PDZD2: variants seen among roughly 807,000 people sequenced by gnomAD.
PDZD2 encodes the protein PDZ domain containing 2.
In PDZD2, 90 loss-of-function variants were observed where a neutral mutation model predicts 220.7. That is an observed-to-expected ratio of 0.41 (90% CI 0.34 to 0.49). The LOEUF is 0.49. Among genes scored for constraint, PDZD2 ranks in the 20% least tolerant of loss-of-function variants. The probability of loss-of-function intolerance (pLI) is 0.28; values close to 1 mark genes in which losing one functional copy is unlikely to be tolerated. For synonymous variants in PDZD2, 1,375 were observed against 1,450.5 expected (o/e 0.95, Z 1.18); for missense variants, 3,174 against 3,608.5 (o/e 0.88, Z 3.08).
chr5:31,955,289 G>GT lies in PDZD2; in HGVS notation c.477-27855dup, dbSNP rs79718032. Among the ~76,000 whole-genome samples, 442 of 146,396 alleles carry GT rather than the reference G, an allele frequency of 3.0e-3. 1 individual carries two copies. Among genetic ancestry groups the GT allele is most frequent in the South Asian group, 6.6e-3 (30 of 4,570 alleles). On this transcript the variant is annotated intron_variant, in intron 2 of 24. Coordinates refer to ENST00000438447, the MANE Select transcript of PDZD2 (RefSeq NM_178140.4). ...GTTGGTTGGCCTCCATCTTTGGTGG[G>GT]TTTTTTTTTTTGTTTTGTTTTGTTT...
In PDZD2 at chr5:31,883,887, C is replaced by T. The variant is rs147305557; in HGVS notation, c.476+84163C>T. Among the ~76,000 whole-genome samples the T allele has an allele frequency of 1.0e-3, 156 of 152,244 alleles. 1 individual carries two copies. The highest frequency in any genetic ancestry group is 3.6e-3 in the African/African-American group (148 of 41,542). ...AAGTGCTGAGATTACAGGCGTGGGC[C>T]ACAGTGCCTGGCCCTATTCTCTATA... On this transcript the variant is annotated intron_variant, in intron 2 of 24. Transcript: ENST00000438447.
chr5:31,884,897 C>G (rs144855067), intron 2 of PDZD2, among the ~76,000 whole-genome samples: 1 of 152,088 alleles, frequency 6.6e-6, no homozygotes, highest in African/African-American at 2.4e-5. Flanking sequence ...CCCACCTCAG[C>G]CTCCCAAAGT....
In PDZD2 at chr5:32,000,364, A is replaced by G; in HGVS notation, c.1254+93A>G. The G allele has an allele frequency of 3.0e-6, 4 of 1,345,808 alleles. No individual in the cohort carries two copies. The highest frequency in any genetic ancestry group is 4.2e-6 in the Non-Finnish European group (4 of 943,672). The allele number at this position is 1,345,808 out of a possible 1,614,324, so 83.4% of individuals were successfully genotyped here. ...CCATGCCACACACACACACAAAGAC[A>G]TGTGTGCACTTGTACGTTTGCCTTG... On this transcript the variant is annotated intron_variant, in intron 5 of 24. Transcript: ENST00000438447. The surrounding 1 kb of genome is among the most constrained non-coding windows in gnomAD (Gnocchi z 4.5).
chr5:31,776,680 G>T (rs1752676376), intron 1 of PDZD2, among the ~76,000 whole-genome samples: 1 of 149,650 alleles, frequency 6.7e-6, no homozygotes, highest in Admixed American at 6.7e-5. Context: ...ACGGAGTCTT[G>T]CTCTGTCGCC....
At chr5:31,862,362 C>T (rs1244914320) in intron 2 of PDZD2, among the ~76,000 whole-genome samples, 2 of 151,890 alleles carry the variant, frequency 1.3e-5, no homozygotes, top group East Asian at 3.9e-4. Context: ...TCTCGGCCTC[C>T]CAAAGTGCTG....
At chr5:31,752,060 T>A in intron 1 of PDZD2, among the ~76,000 whole-genome samples, 1 of 127,930 alleles carries the variant, frequency 7.8e-6, no homozygotes, top group Non-Finnish European at 1.6e-5. Context: ...GTTTGTTTTA[T>A]TGTTTTGGGT....
intron 1 of PDZD2, among the ~76,000 whole-genome samples, chr5:31,684,657 T>C (rs1374882469): frequency 6.6e-6 from 1 of 152,060 alleles, no homozygotes; most frequent in African/African-American, 2.4e-5. Context: ...GAATTCATAG[T>C]CCTCACCAGC....
At chr5:31,775,047 G>T (rs1752558125) in intron 1 of PDZD2, among the ~76,000 whole-genome samples, 1 of 152,132 alleles carries the variant, frequency 6.6e-6, no homozygotes, top group Non-Finnish European at 1.5e-5. Flanking sequence ...ATCAGCTCTT[G>T]GGAAACATCG....
intron 2 of PDZD2, among the ~76,000 whole-genome samples, chr5:31,915,947 A>G (rs1743640088): frequency 6.6e-6 from 1 of 152,162 alleles, no homozygotes; most frequent in African/African-American, 2.4e-5. Context: ...AGGGACTCCA[A>G]GTGTCAGCTT....
At chr5:31,677,713 T>C (rs1580552277) in intron 1 of PDZD2, among the ~76,000 whole-genome samples, 1 of 151,990 alleles carries the variant, frequency 6.6e-6, no homozygotes, top group Admixed American at 6.5e-5. Flanking sequence ...CATGCAACAA[T>C]GTGGATGAAT....
chr5:31,940,818 G>A (rs1302503420), intron 2 of PDZD2, among the ~76,000 whole-genome samples: 1 of 152,170 alleles, frequency 6.6e-6, no homozygotes, highest in Non-Finnish European at 1.5e-5. Flanking sequence ...AGACCGCAGG[G>A]GCAGAACATC....
At position 32,025,591 on chromosome 5, in the gene PDZD2, C is replaced by CTTTTTTTTTTTTT. The variant is rs70957998; in HGVS notation, c.1408-11624_1408-11612dup. Among the ~76,000 whole-genome samples the CTTTTTTTTTTTTT allele has an allele frequency of 2.4e-3, 162 of 67,520 alleles. 15 individuals carry two copies. The highest frequency in any genetic ancestry group is 8.5e-3 in the African/African-American group (129 of 15,244). The allele number at this position is 67,520 out of a possible 152,430, so 44.3% of individuals were successfully genotyped here. ...AGTGAGCCCAAATGTAACCATGATG[C>CTTTTTTTTTTTTT]TTTTTTTTTTTTTTTTTTTTTTTTT... is the stretch of plus-strand genomic sequence containing the variant. On this transcript the variant is annotated intron_variant, in intron 6 of 24. Coordinates refer to ENST00000438447, the MANE Select transcript of PDZD2 (RefSeq NM_178140.4).
intron 2 of PDZD2, among the ~76,000 whole-genome samples, chr5:31,873,854 C>A (rs1739065239): frequency 6.6e-6 from 1 of 152,026 alleles, no homozygotes; most frequent in South Asian, 2.1e-4. Context: ...CCTTAGCCTC[C>A]TGAGTAGCTG....
At chr5:31,813,870 G>C (rs1161531220) in intron 2 of PDZD2, among the ~76,000 whole-genome samples, 1 of 152,076 alleles carries the variant, frequency 6.6e-6, no homozygotes, top group African/African-American at 2.4e-5. Context: ...CCAATTAAGA[G>C]TATTTGCTTG....
At chr5:31,691,531 C>T (rs1409410425) in intron 1 of PDZD2, among the ~76,000 whole-genome samples, 1 of 149,678 alleles carries the variant, frequency 6.7e-6, no homozygotes. Context: ...TCTTATCTGG[C>T]GCCACCTGCT....
At chr5:32,065,293 T>C (rs1389344525) in intron 14 of PDZD2, among the ~76,000 whole-genome samples, 1 of 152,228 alleles carries the variant, frequency 6.6e-6, no homozygotes, top group African/African-American at 2.4e-5. Flanking sequence ...AGCGAGACTT[T>C]GTCTCAAAAA....
At chr5:31,826,293 T>C (rs955644973) in intron 2 of PDZD2, among the ~76,000 whole-genome samples, 1 of 151,942 alleles carries the variant, frequency 6.6e-6, no homozygotes, top group African/African-American at 2.4e-5. Context: ...GTGGGGAGGG[T>C]AGGAGTGAGG....
At chr5:31,958,038 T>C (rs1747876910) in intron 2 of PDZD2, among the ~76,000 whole-genome samples, 1 of 152,162 alleles carries the variant, frequency 6.6e-6, no homozygotes, top group Admixed American at 6.5e-5. Context: ...TTTACAAATG[T>C]CCGAGAATTA....
intron 2 of PDZD2, among the ~76,000 whole-genome samples, chr5:31,917,463 G>A (rs1456567762): frequency 6.6e-6 from 1 of 152,190 alleles, no homozygotes; most frequent in Non-Finnish European, 1.5e-5. Context: ...AGGAGGTTGA[G>A]GCTGCAGTGA....
Sources: allele counts gnomAD v4.1 joint callset (sites outside exome capture counted in the v4.1 genomes callset), GRCh38; gene constraint gnomAD v4.1.1; non-coding constraint Gnocchi (gnomAD v3.1); transcripts MANE v1.5; gene names NCBI Gene and HGNC (gene_info 2026-07-23, HGNC 2026-07-21).